Variants in SLC14A2 observed in about 807,000 individuals in gnomAD.
SLC14A2 encodes urea transporter 2.
In SLC14A2, 91 loss-of-function variants were observed where a neutral mutation model predicts 104.6. The observed-to-expected ratio is 0.87, with a 90% CI of 0.73 to 1.04. SLC14A2 has a LOEUF of 1.04. Ranked by LOEUF, SLC14A2 falls within the 50% of genes least tolerant of loss-of-function variation. SLC14A2 has a pLI of 0.00. For synonymous variants in SLC14A2, 476 were observed against 466.4 expected, an observed-to-expected ratio of 1.02 and a Z score of -0.27; for missense variants, 1,189 against 1,156.0, an observed-to-expected ratio of 1.03 and a Z score of -0.41.
chr18:45,526,551 A>C (rs9962544), intron 2 of SLC14A2, among the ~76,000 whole-genome samples: 2,134 of 152,314 alleles, frequency 0.014, 44 homozygotes, highest in African/African-American at 0.049. Flanking sequence ...CAGAAAATCC[A>C]GTAAATGGAA....
intron 2 of SLC14A2, among the ~76,000 whole-genome samples, chr18:45,518,622 C>G (rs1342254976): frequency 6.6e-6 from 1 of 151,986 alleles, no homozygotes; most frequent in Non-Finnish European, 1.5e-5. Flanking sequence ...AAAAGCTTTA[C>G]AGAGGAGTGG....
Position 45,568,800 on chromosome 18 carries a change from G to A in SLC14A2, c.-34-55831G>A, listed in dbSNP as rs571759511. Among the ~76,000 whole-genome samples, 5 of 152,246 alleles carry A rather than the reference G, an allele frequency of 3.3e-5. No individual in the cohort carries two copies. In the South Asian group the frequency reaches 6.2e-4, roughly 19 times the overall value. ...TTAATCCACAGAGACTTGAGGGGTCGTTACTGCAGCATAACCTAACCTATC... is the reference window on the plus strand; with the variant it reads ...TTAATCCACAGAGACTTGAGGGGTCATTACTGCAGCATAACCTAACCTATC... On this transcript the variant is annotated intron_variant, in intron 2 of 20. Transcript: ENST00000586448.
intron 1 of SLC14A2, among the ~76,000 whole-genome samples, chr18:45,250,582 A>G (rs996202793): frequency 1.3e-5 from 2 of 151,226 alleles, no homozygotes; most frequent in African/African-American, 2.4e-5. Flanking sequence ...CATCCTTCCC[A>G]TTGCCCTTGT....
chr18:45,633,120 T>C (rs1381311985), intron 5 of SLC14A2, among the ~76,000 whole-genome samples: 6 of 152,228 alleles, frequency 3.9e-5, no homozygotes, highest in African/African-American at 1.4e-4. Context: ...GCTTATGCAG[T>C]GCTAAGTATG....
chr18:45,411,839 T>C (rs1598772348), intron 1 of SLC14A2, among the ~76,000 whole-genome samples: 1 of 152,250 alleles, frequency 6.6e-6, no homozygotes, highest in East Asian at 1.9e-4. Flanking sequence ...CCGCAGCACC[T>C]ACTCTGTGAA....
At chr18:45,586,709 C>G (rs1379965491) in intron 2 of SLC14A2, among the ~76,000 whole-genome samples, 2 of 152,030 alleles carry the variant, frequency 1.3e-5, no homozygotes, top group African/African-American at 4.8e-5. Context: ...GTCCACAGGT[C>G]CCTTTCCTCC....
At chr18:45,628,847 C>T (rs181371398) in intron 4 of SLC14A2, among the ~76,000 whole-genome samples, 1 of 152,134 alleles carries the variant, frequency 6.6e-6, no homozygotes, top group African/African-American at 2.4e-5. Flanking sequence ...GCATTTCTTA[C>T]AGTGGGTTTC....
intron 2 of SLC14A2, among the ~76,000 whole-genome samples, chr18:45,600,661 G>T (rs933936960): frequency 3.3e-5 from 5 of 152,158 alleles, no homozygotes; most frequent in Non-Finnish European, 5.9e-5. Context: ...AGGCTGGGCA[G>T]GTCCTTGGGC....
chr18:45,232,279 G>C (rs893399960), intron 1 of SLC14A2, among the ~76,000 whole-genome samples: 6 of 152,164 alleles, frequency 3.9e-5, no homozygotes, highest in African/African-American at 1.4e-4. Flanking sequence ...TTATGTGGCA[G>C]ATCAGGAGAG....
intron 15 of SLC14A2, among the ~76,000 whole-genome samples, chr18:45,668,902 A>G (rs2046079420): frequency 6.6e-6 from 1 of 152,238 alleles, no homozygotes; most frequent in South Asian, 2.1e-4. Context: ...GCCATGGGGA[A>G]GCCCTCAGTG....
At chr18:45,304,364 G>C (rs2084997003) in intron 1 of SLC14A2, among the ~76,000 whole-genome samples, 1 of 152,198 alleles carries the variant, frequency 6.6e-6, no homozygotes, top group Non-Finnish European at 1.5e-5. Context: ...AAGCCCACTG[G>C]TTCTCCTTCA....
chr18:45,675,683 T>TTA (rs2046213227), intron 18 of SLC14A2, among the ~76,000 whole-genome samples: 1 of 105,006 alleles, frequency 9.5e-6, no homozygotes, highest in Non-Finnish European at 1.8e-5. Flanking sequence ...CCCAGCTAAT[T>TTA]TCTATATATA....
intron 1 of SLC14A2, among the ~76,000 whole-genome samples, chr18:45,477,900 T>TGTG (rs2087415428): frequency 6.6e-6 from 1 of 152,214 alleles, no homozygotes; most frequent in African/African-American, 2.4e-5. Context: ...TTCAAGCCAG[T>TGTG]GGATCTTAGC....
chr18:45,459,196 G>A (rs920294309), intron 1 of SLC14A2, among the ~76,000 whole-genome samples: 4 of 152,166 alleles, frequency 2.6e-5, no homozygotes, highest in Non-Finnish European at 5.9e-5. Flanking sequence ...CCGCCTGCCA[G>A]GGATCCCCTT....
chr18:45,592,689 G>A (rs2044664980), intron 2 of SLC14A2, among the ~76,000 whole-genome samples: 1 of 152,198 alleles, frequency 6.6e-6, no homozygotes, highest in Non-Finnish European at 1.5e-5. Context: ...CTTGATCCCT[G>A]GCCTGTTCTG....
intron 1 of SLC14A2, among the ~76,000 whole-genome samples, chr18:45,350,288 T>C (rs2085489918): frequency 6.6e-6 from 1 of 152,218 alleles, no homozygotes; most frequent in African/African-American, 2.4e-5. Context: ...AATGCATTAC[T>C]AACATACACT....
intron 4 of SLC14A2, among the ~76,000 whole-genome samples, chr18:45,631,736 C>A (rs1164923848): frequency 2.6e-5 from 4 of 152,226 alleles, no homozygotes; most frequent in African/African-American, 9.6e-5. Context: ...ATCCTCCCAC[C>A]TTAGCCTTCC....
Position 45,328,186 on chromosome 18 carries a change from C to T in SLC14A2, c.-125+114995C>T, listed in dbSNP as rs563530442. On this transcript the variant is annotated intron_variant, in intron 1 of 20. Coordinates refer to the SLC14A2 transcript ENST00000586448. Reference sequence around the variant, plus strand: ...CCTTTTCCCAGGCCTGTTTATCTGACTCTTTATTCCTGCCTCTCATATGAA... The same window carrying T: ...CCTTTTCCCAGGCCTGTTTATCTGATTCTTTATTCCTGCCTCTCATATGAA... 8.5e-5 allele frequency among the ~76,000 whole-genome samples: 13 copies of T among 152,316 alleles called. No individual in the cohort carries two copies. The South Asian group carries it at 1.2e-3, about 15-fold the overall frequency.
At chr18:45,540,743 T>G (rs1167510402) in intron 2 of SLC14A2, among the ~76,000 whole-genome samples, 1 of 151,972 alleles carries the variant, frequency 6.6e-6, no homozygotes, top group Non-Finnish European at 1.5e-5. Flanking sequence ...AGACTTCATC[T>G]CAAATTAATA....
Sources: gnomAD v4.1 joint callset for allele counts (sites outside exome capture counted in the v4.1 genomes callset) on GRCh38, gnomAD v4.1.1 for gene constraint, MANE v1.5 for transcripts, NCBI Gene and HGNC (gene_info 2026-07-23, HGNC 2026-07-21) for gene names.